AMBRA1: variants seen among roughly 807,000 people sequenced by gnomAD.
The protein encoded by AMBRA1 is autophagy and beclin 1 regulator 1, also known as activating molecule in BECN1-regulated autophagy protein 1.
In AMBRA1, 47 loss-of-function variants were observed where a neutral mutation model predicts 125.4. That is an observed-to-expected ratio of 0.37 (90% CI 0.30 to 0.48). AMBRA1 has a LOEUF of 0.48. Among genes scored for constraint, AMBRA1 ranks in the 20% least tolerant of loss-of-function variants. AMBRA1 has a pLI of 0.99. For missense variants in AMBRA1, 1,331 were observed against 1,693.4 expected, an observed-to-expected ratio of 0.79 and a Z score of 3.76; for synonymous variants, 626 against 655.5, an observed-to-expected ratio of 0.95 and a Z score of 0.69.
chr11:46,519,269 C>G (rs1951656236), intron 7 of AMBRA1, among the ~76,000 whole-genome samples: 1 of 137,934 alleles, frequency 7.2e-6, no homozygotes, highest in African/African-American at 3.5e-5. Context: ...TATAATCCAC[C>G]CACTTTGGCC....
chr11:46,400,146 G>A (rs1038697817), intron 17 of AMBRA1, among the ~76,000 whole-genome samples: 3 of 152,124 alleles, frequency 2.0e-5, no homozygotes, highest in South Asian at 2.1e-4. Flanking sequence ...GGCCAAGACC[G>A]TGGGCAACTA....
At chr11:46,484,578 ACT>A (rs1950197375) in intron 11 of AMBRA1, among the ~76,000 whole-genome samples, 1 of 152,182 alleles carries the variant, frequency 6.6e-6, no homozygotes, top group South Asian at 2.1e-4. Flanking sequence ...CTTTGTACTA[ACT>A]TACATTCCCA....
At chr11:46,413,477 G>GCTTT (rs59598480) in intron 15 of AMBRA1, among the ~76,000 whole-genome samples, 2 of 152,012 alleles carry the variant, frequency 1.3e-5, no homozygotes, top group Non-Finnish European at 2.9e-5. Context: ...GAAACTCTTA[G>GCTTT]CTTTCTTTCT....
chr11:46,408,363 G>C (rs1315553680), intron 17 of AMBRA1, 150 bp downstream of exon 17: 1 of 782,276 alleles, frequency 1.3e-6, no homozygotes, highest in East Asian at 3.2e-5. Context: ...ACCCAGCTCA[G>C]GGAAACCATG....
In AMBRA1 at chr11:46,397,429, G is replaced by A. The variant is rs1448681349; in HGVS notation, c.*21C>T. ...TTTCTGCTTGGCGGTTCGAGGGGAG[G>A]CACCAGTGCAACGTTTGTCTCTACC... is the stretch of plus-strand genomic sequence containing the variant. On this transcript the variant is annotated 3_prime_UTR_variant, in exon 18 of 18. Transcript: ENST00000683756. 5.4e-6 allele frequency: 8 copies of A among 1,471,426 alleles called. No individual in the cohort carries two copies. The highest frequency in any genetic ancestry group is 2.4e-5 in the East Asian group (1 of 41,996). The allele number at this position is 1,471,426 out of a possible 1,614,324, so 91.1% of individuals were successfully genotyped here.
chr11:46,494,035 T>G (rs1008754829), intron 10 of AMBRA1, 89 bp downstream of exon 10: 2 of 1,282,042 alleles, frequency 1.6e-6, no homozygotes, highest in African/African-American at 3.0e-5. Context: ...ATGCCAGATG[T>G]GGACAATTCA....
intron 15 of AMBRA1, among the ~76,000 whole-genome samples, chr11:46,415,168 C>A (rs555493407): frequency 2.6e-4 from 39 of 152,318 alleles, no homozygotes; most frequent in Admixed American, 2.4e-3. Flanking sequence ...ATGAGACACA[C>A]AAGAACCCTG....
At chr11:46,573,290 A>AGGAG (rs2043831886) in intron 1 of AMBRA1, among the ~76,000 whole-genome samples, 1 of 151,780 alleles carries the variant, frequency 6.6e-6, no homozygotes, top group South Asian at 2.1e-4. Context: ...CTGTAATCCC[A>AGGAG]GCTACTCAGG....
intron 9 of AMBRA1, among the ~76,000 whole-genome samples, chr11:46,496,784 G>A (rs1950645330): frequency 6.7e-6 from 1 of 149,732 alleles, no homozygotes; most frequent in African/African-American, 2.5e-5. Flanking sequence ...ATTTCTTTCT[G>A]ATTCAGTTTA....
intron 1 of AMBRA1, among the ~76,000 whole-genome samples, chr11:46,587,596 G>A (rs2044448934): frequency 6.6e-6 from 1 of 152,032 alleles, no homozygotes; most frequent in African/African-American, 2.4e-5. Flanking sequence ...CTTTTCAAGG[G>A]GATTAAGGAT....
chr11:46,574,772 G>A (rs1424250007), intron 1 of AMBRA1, among the ~76,000 whole-genome samples: 1 of 152,176 alleles, frequency 6.6e-6, no homozygotes, highest in African/African-American at 2.4e-5. Flanking sequence ...GTTTAAAACT[G>A]AAGACTCTGC....
intron 11 of AMBRA1, among the ~76,000 whole-genome samples, chr11:46,493,156 T>C (rs1245113544): frequency 2.0e-5 from 3 of 152,200 alleles, no homozygotes; most frequent in African/African-American, 7.2e-5. Flanking sequence ...TCTCCCTCTT[T>C]TCCTTCCTCA....
At chr11:46,447,631 G>T (rs1948357989) in intron 11 of AMBRA1, among the ~76,000 whole-genome samples, 1 of 152,096 alleles carries the variant, frequency 6.6e-6, no homozygotes, top group African/African-American at 2.4e-5. Context: ...GATAGCTTGA[G>T]TCTGGAAGGT....
chr11:46,431,617 A>G (rs2136701796), intron 14 of AMBRA1, among the ~76,000 whole-genome samples: 1 of 152,374 alleles, frequency 6.6e-6, no homozygotes, highest in Non-Finnish European at 1.5e-5. Context: ...GGTCTGTCAG[A>G]GCTACCAACA....
chr11:46,577,798 A>T (rs760456763), intron 1 of AMBRA1, among the ~76,000 whole-genome samples: 15 of 152,100 alleles, frequency 9.9e-5, no homozygotes, highest in Non-Finnish European at 1.5e-5. Flanking sequence ...TAAAAGTACA[A>T]AATGTGCCGG....
rs1328894371 is a variant in AMBRA1 at position 46,547,252 on chromosome 11, G to A, written c.239C>T (p.Thr80Met). The A allele has an allele frequency of 3.7e-6, 6 of 1,613,768 alleles. No individual in the cohort carries two copies. The highest frequency in any genetic ancestry group is 1.7e-5 in the Admixed American group (1 of 59,980). The change falls in exon 4 of 18, where the codon ACG (threonine) becomes ATG (methionine). Residue 80 changes from threonine (T) to methionine (M), a missense_variant. Coordinates refer to ENST00000683756, the MANE Select transcript of AMBRA1 (RefSeq NM_001387011.1). Reference protein sequence around the residue: ...STHVNHNIYITEVKTGKCVHS... With the variant: ...STHVNHNIYIMEVKTGKCVHS... ...AACACACTTGCCAGTCTTCACCTCC[G>A]TAATATAGATATTATGGTTCACATG...
chr11:46,429,189 C>T (rs1384187367), intron 14 of AMBRA1: 1 of 1,489,862 alleles, frequency 6.7e-7, no homozygotes, highest in Non-Finnish European at 9.1e-7. Flanking sequence ...CATCCTCCCC[C>T]TCTCCCTCGG....
chr11:46,453,024 C>T (rs1948690088), intron 11 of AMBRA1, among the ~76,000 whole-genome samples: 1 of 152,122 alleles, frequency 6.6e-6, no homozygotes, highest in South Asian at 2.1e-4. Flanking sequence ...TTTACAACCA[C>T]CATCATTACT....
chr11:46,582,488 C>T (rs1284004660), intron 1 of AMBRA1, among the ~76,000 whole-genome samples: 1 of 152,148 alleles, frequency 6.6e-6, no homozygotes, highest in Non-Finnish European at 1.5e-5. Context: ...GGACTATAAT[C>T]TCCATACAGG....
Sources: allele counts gnomAD v4.1 joint callset (sites outside exome capture counted in the v4.1 genomes callset), GRCh38; gene constraint gnomAD v4.1.1; transcripts MANE v1.5; gene names NCBI Gene and HGNC (gene_info 2026-07-23, HGNC 2026-07-21).